Variants in GALNT10 observed in about 807,000 individuals in gnomAD.
The protein encoded by GALNT10 is GalNAc transferase 10.
Under a neutral mutation model 75.0 loss-of-function variants are expected in GALNT10, and 41 were observed. That is an observed-to-expected ratio of 0.55 (90% CI 0.43 to 0.71). The LOEUF is 0.71. Ranked by LOEUF, GALNT10 falls within the 30% of genes least tolerant of loss-of-function variation. GALNT10 has a pLI of 0.00. For missense variants in GALNT10, 727 were observed against 818.5 expected (o/e 0.89, Z 1.36); for synonymous variants, 302 against 313.0 (o/e 0.96, Z 0.37).
chr5:154,330,167 C>A (rs1159831065), intron 4 of GALNT10, among the ~76,000 whole-genome samples: 1 of 152,230 alleles, frequency 6.6e-6, no homozygotes, highest in East Asian at 1.9e-4. Flanking sequence ...AAAATGGTAC[C>A]TCTGGCAAGT....
intron 1 of GALNT10, among the ~76,000 whole-genome samples, chr5:154,219,834 T>A (rs917905039): frequency 0.023 from 2,969 of 129,428 alleles, 44 homozygotes; most frequent in East Asian, 0.052. Context: ...TCTCTCTCTC[T>A]CTCTCACACA....
chr5:154,291,174 A>G (rs1296257808), intron 1 of GALNT10, among the ~76,000 whole-genome samples: 1 of 152,186 alleles, frequency 6.6e-6, no homozygotes, highest in African/African-American at 2.4e-5. Flanking sequence ...TTTTGAGAAC[A>G]TGATTCTAGG....
At position 154,373,836 on chromosome 5, in the gene GALNT10, T is replaced by C. The variant is rs370765877; in HGVS notation, c.569-2441T>C. Among the ~76,000 whole-genome samples the C allele has an allele frequency of 6.6e-5, 10 of 152,266 alleles. No individual in the cohort carries two copies. In the East Asian group the frequency reaches 1.9e-3, roughly 29 times the overall value. ...CAAGCTGTCAGAAGGCCTTAATTGG[T>C]CACTCTGTAATGACTGTGGCCATCT... is the stretch of plus-strand genomic sequence containing the variant. On this transcript the variant is annotated intron_variant, in intron 4 of 11. Coordinates refer to ENST00000297107, the MANE Select transcript of GALNT10 (RefSeq NM_198321.4).
At chr5:154,337,237 C>T (rs1177765396) in intron 4 of GALNT10, among the ~76,000 whole-genome samples, 1 of 152,218 alleles carries the variant, frequency 6.6e-6, no homozygotes, top group Non-Finnish European at 1.5e-5. Context: ...ATGCTTTACA[C>T]TTTCCACAGA....
intron 1 of GALNT10, among the ~76,000 whole-genome samples, chr5:154,210,009 T>C (rs1318267482): frequency 1.3e-5 from 2 of 152,042 alleles, no homozygotes; most frequent in Non-Finnish European, 1.5e-5. Flanking sequence ...AGTTATTTTT[T>C]TAAAGTTATT....
chr5:154,206,035 G>T (rs1173335917), intron 1 of GALNT10, among the ~76,000 whole-genome samples: 1 of 152,252 alleles, frequency 6.6e-6, no homozygotes, highest in Non-Finnish European at 1.5e-5. Context: ...TTGTGTGTGT[G>T]TGTGTATGAG....
At chr5:154,277,673 C>T (rs1422785) in intron 1 of GALNT10, among the ~76,000 whole-genome samples, 30,100 of 152,108 alleles carry the variant, frequency 0.2, 3,336 homozygotes, top group African/African-American at 0.28. Flanking sequence ...TACAGTGACC[C>T]ATAAACCAGA....
intron 1 of GALNT10, among the ~76,000 whole-genome samples, chr5:154,251,039 A>G (rs1285122596): frequency 2.6e-5 from 4 of 152,120 alleles, no homozygotes; most frequent in African/African-American, 9.7e-5. Flanking sequence ...TCTTTTTTAG[A>G]CAATCTTTTT....
At chr5:154,406,083 A>C (rs897251298) in intron 8 of GALNT10, 3 of 152,054 alleles carry the variant, frequency 2.0e-5, no homozygotes, top group Non-Finnish European at 4.4e-5. Flanking sequence ...GGGGAACATG[A>C]AACGTGATGT....
chr5:154,371,086 G>C (rs1755555233), intron 4 of GALNT10, among the ~76,000 whole-genome samples: 1 of 152,194 alleles, frequency 6.6e-6, no homozygotes, highest in Non-Finnish European at 1.5e-5. Context: ...TGCTGTCTCT[G>C]AAGTCCTCGG....
At chr5:154,404,072 C>T (rs776248154) in intron 7 of GALNT10, 32 bp from the exon 8 acceptor site, 56 of 1,531,302 alleles carry the variant, frequency 3.7e-5, no homozygotes, top group South Asian at 9.0e-5. Context: ...GAAGCAGAAA[C>T]GTCATCCTCT....
At chr5:154,411,303 A>C (rs563017604) in intron 9 of GALNT10, among the ~76,000 whole-genome samples, 8 of 152,296 alleles carry the variant, frequency 5.3e-5, no homozygotes, top group South Asian at 2.1e-4. Flanking sequence ...TGCTGAAGGT[A>C]TCAAAATGGC....
At chr5:154,251,680 T>C (rs149095295) in intron 1 of GALNT10, among the ~76,000 whole-genome samples, 15 of 152,296 alleles carry the variant, frequency 9.8e-5, no homozygotes, top group African/African-American at 3.6e-4. Context: ...TCAGTAGTCT[T>C]TGATGACTGC....
intron 4 of GALNT10, among the ~76,000 whole-genome samples, chr5:154,356,881 G>T (rs1755304991): frequency 6.6e-6 from 1 of 152,216 alleles, no homozygotes; most frequent in African/African-American, 2.4e-5. Context: ...TCAAATGAGG[G>T]TTCACTGCAC....
At chr5:154,220,388 C>T (rs1338923416) in intron 1 of GALNT10, 1 of 152,148 alleles carries the variant, frequency 6.6e-6, no homozygotes, top group Non-Finnish European at 1.5e-5. Context: ...AGGAAGAACC[C>T]ACATTTGACA....
intron 4 of GALNT10, among the ~76,000 whole-genome samples, chr5:154,355,493 G>A (rs1176373438): frequency 6.6e-6 from 1 of 152,214 alleles, no homozygotes; most frequent in East Asian, 1.9e-4. Context: ...TCAAGCTCAG[G>A]AGGGAGCCAA....
At chr5:154,279,303 TG>T (rs1306295888) in intron 1 of GALNT10, among the ~76,000 whole-genome samples, 17,179 of 142,220 alleles carry the variant, frequency 0.12, 1,068 homozygotes, top group Non-Finnish European at 0.14. Context: ...GTTGTTGTTT[TG>T]TTTTTTTTTT....
At chr5:154,342,117 G>C (rs1755040651) in intron 4 of GALNT10, among the ~76,000 whole-genome samples, 1 of 152,142 alleles carries the variant, frequency 6.6e-6, no homozygotes, top group African/African-American at 2.4e-5. Flanking sequence ...TTGTTATGGT[G>C]ATGCTTGTTA....
chr5:154,382,425 C>A (rs565376793), intron 6 of GALNT10, among the ~76,000 whole-genome samples: 1 of 152,370 alleles, frequency 6.6e-6, no homozygotes, highest in Admixed American at 6.5e-5. Flanking sequence ...CAGTCTGCCC[C>A]ACCTTCTGTG....
Sources: allele counts gnomAD v4.1 joint callset (sites outside exome capture counted in the v4.1 genomes callset), GRCh38; gene constraint gnomAD v4.1.1; transcripts MANE v1.5; gene names NCBI Gene and HGNC (gene_info 2026-07-23, HGNC 2026-07-21).